Variants in SLC8A1 observed in about 807,000 individuals in gnomAD.
SLC8A1 encodes sodium/calcium exchanger 1.
In SLC8A1, 18 loss-of-function variants were observed where a neutral mutation model predicts 68.3. The ratio of observed to expected loss-of-function variants is 0.26; its 90% confidence interval spans 0.18 to 0.39. The LOEUF is 0.39. SLC8A1 is among the 10% of genes least tolerant of loss of function. SLC8A1 has a pLI of 1.00. For synonymous variants in SLC8A1, 475 were observed against 415.5 expected (o/e 1.14, Z -1.74); for missense variants, 985 against 1,156.7 (o/e 0.85, Z 2.15).
chr2:40,504,518 G>C (rs542230553), intron 1 of SLC8A1, among the ~76,000 whole-genome samples: 7 of 151,784 alleles, frequency 4.6e-5, no homozygotes, highest in Non-Finnish European at 8.8e-5. Context: ...AAAGTGAAGA[G>C]GCAACACACA....
At chr2:40,333,345 G>A (rs2076617957) in intron 2 of SLC8A1, among the ~76,000 whole-genome samples, 2 of 151,236 alleles carry the variant, frequency 1.3e-5, no homozygotes, top group Admixed American at 6.6e-5. Flanking sequence ...GGTTGAGGCA[G>A]GAGAATCCCT....
At chr2:40,112,672 A>AAG (rs397936870) in exon 8 of SLC8A1, 1 of 151,044 alleles carries the variant, frequency 6.6e-6, no homozygotes, top group Non-Finnish European at 1.5e-5. Flanking sequence ...AAAAAAAAAA[A>AAG]TAAGGATGGG....
At chr2:40,192,747 A>ATTGAG (rs1447865332) in intron 2 of SLC8A1, among the ~76,000 whole-genome samples, 1 of 151,936 alleles carries the variant, frequency 6.6e-6, no homozygotes, top group Non-Finnish European at 1.5e-5. Flanking sequence ...ACTTTTTTTT[A>ATTGAG]TTGAGTTATC....
At chr2:40,509,692 G>C (rs1706589001) in intron 1 of SLC8A1, among the ~76,000 whole-genome samples, 1 of 152,046 alleles carries the variant, frequency 6.6e-6, no homozygotes, top group African/African-American at 2.4e-5. Flanking sequence ...TCATGATGTA[G>C]ACAGAAGCCT....
chr2:40,506,137 T>C (rs1025789376), intron 1 of SLC8A1, among the ~76,000 whole-genome samples: 1 of 151,094 alleles, frequency 6.6e-6, no homozygotes, highest in African/African-American at 2.4e-5. Context: ...TGGAAAGCTT[T>C]ACTTCACCAA....
chr2:40,405,154 C>T (rs1014179440), intron 2 of SLC8A1, among the ~76,000 whole-genome samples: 4 of 152,166 alleles, frequency 2.6e-5, no homozygotes. Flanking sequence ...GGGGAACATA[C>T]TTCTTAATTC....
At chr2:40,295,249 G>A (rs987504067) in intron 2 of SLC8A1, among the ~76,000 whole-genome samples, 2 of 151,954 alleles carry the variant, frequency 1.3e-5, no homozygotes, top group African/African-American at 4.8e-5. Flanking sequence ...ACAGGCATAA[G>A]CCACCATGCC....
chr2:40,423,877 G>T (rs1293731706), intron 2 of SLC8A1, among the ~76,000 whole-genome samples: 3 of 151,632 alleles, frequency 2.0e-5, no homozygotes, highest in South Asian at 2.1e-4. Context: ...TATAATTTAG[G>T]TTTGCAGATG....
At chr2:40,496,438 T>G (rs1295469533) in intron 1 of SLC8A1, among the ~76,000 whole-genome samples, 2 of 152,138 alleles carry the variant, frequency 1.3e-5, no homozygotes, top group Admixed American at 6.6e-5. Flanking sequence ...TGAATAATGT[T>G]GCTAAAAATG....
At chr2:40,261,522 T>G (rs2064698586) in intron 2 of SLC8A1, among the ~76,000 whole-genome samples, 1 of 152,174 alleles carries the variant, frequency 6.6e-6, no homozygotes, top group Non-Finnish European at 1.5e-5. Context: ...AATCCCAAGG[T>G]CTTTCTTGGC....
intron 2 of SLC8A1, among the ~76,000 whole-genome samples, chr2:40,380,395 G>A (rs1413823524): frequency 6.6e-6 from 1 of 152,148 alleles, no homozygotes; most frequent in Admixed American, 6.5e-5. Flanking sequence ...TGCAATGGAT[G>A]TACAGCCTAT....
upstream of SLC8A1, among the ~76,000 whole-genome samples, chr2:40,455,120 C>T (rs894925417): frequency 2.0e-4 from 31 of 152,122 alleles, no homozygotes; most frequent in African/African-American, 6.5e-4. Flanking sequence ...TTGATATATT[C>T]GAAAGATGTT....
At chr2:40,449,837 G>T (rs11903530) in intron 1 of SLC8A1, among the ~76,000 whole-genome samples, 1,601 of 152,116 alleles carry the variant, frequency 0.011, 31 homozygotes, top group African/African-American at 0.034. Context: ...ATAAATAATG[G>T]TTTATCTCTG....
intron 2 of SLC8A1, among the ~76,000 whole-genome samples, chr2:40,303,866 T>G (rs2072038865): frequency 1.3e-5 from 2 of 152,190 alleles, no homozygotes; most frequent in African/African-American, 4.8e-5. Flanking sequence ...GAAGGCCAGT[T>G]GCTCTATTAA....
intron 2 of SLC8A1, among the ~76,000 whole-genome samples, chr2:40,412,372 G>A (rs1692417032): frequency 6.6e-6 from 1 of 151,990 alleles, no homozygotes; most frequent in Admixed American, 6.6e-5. Flanking sequence ...TACATAGAGG[G>A]ATATTACATC....
chr2:40,133,341 T>G (rs995417507), intron 7 of SLC8A1, among the ~76,000 whole-genome samples: 10 of 149,026 alleles, frequency 6.7e-5, no homozygotes, highest in Admixed American at 1.3e-4. Context: ...TGACATAAAT[T>G]TTCCCCAACA....
chr2:40,456,454 G>A (rs780566720), upstream of SLC8A1, among the ~76,000 whole-genome samples: 2 of 152,052 alleles, frequency 1.3e-5, no homozygotes, highest in Non-Finnish European at 2.9e-5. Flanking sequence ...CTCAATGGCA[G>A]AATCATTATC....
chr2:40,394,656 T>C (rs776021953), intron 2 of SLC8A1, among the ~76,000 whole-genome samples: 1 of 152,122 alleles, frequency 6.6e-6, no homozygotes, highest in Non-Finnish European at 1.5e-5. Flanking sequence ...TAGAGAACTG[T>C]GATTGCATTT....
rs544134617 is a variant in SLC8A1 at position 40,409,052 on chromosome 2, A to G, written c.1808+19421T>C. ...ATATGTAAATATTGTTTTTGACATT[A>G]CAAATATACCAATTCAAGACAGACC... is the stretch of plus-strand genomic sequence containing the variant. On this transcript the variant is annotated intron_variant, in intron 2 of 7. Coordinates refer to ENST00000406785, the Ensembl canonical transcript of SLC8A1. 4.6e-5 allele frequency among the ~76,000 whole-genome samples: 7 copies of G among 152,296 alleles called. No homozygotes were observed. In the South Asian group the frequency reaches 1.4e-3, roughly 32 times the overall value.
Sources: gnomAD v4.1 joint callset for allele counts (sites outside exome capture counted in the v4.1 genomes callset) on GRCh38, gnomAD v4.1.1 for gene constraint, MANE v1.5 for transcripts, NCBI Gene and HGNC (gene_info 2026-07-23, HGNC 2026-07-21) for gene names.